Variants in CNBD1 observed in about 807,000 individuals in gnomAD.
CNBD1 encodes cyclic nucleotide binding domain containing 1.
Under a neutral mutation model 54.4 loss-of-function variants are expected in CNBD1, and 71 were observed. That is an observed-to-expected ratio of 1.30 (90% CI 1.08 to 1.59). The LOEUF is 1.59. CNBD1 is among the 40% of genes most tolerant of loss of function. CNBD1 has a pLI of 0.00. For missense variants in CNBD1, 659 were observed against 518.0 expected (o/e 1.27, Z -2.64); for synonymous variants, 182 against 170.7 (o/e 1.07, Z -0.51).
intron 2 of CNBD1, among the ~76,000 whole-genome samples, chr8:87,416,740 G>C (rs550609725): frequency 6.6e-6 from 1 of 151,910 alleles, no homozygotes; most frequent in South Asian, 2.1e-4. Context: ...ACTCCTGAAG[G>C]CTGTGGATAA....
At chr8:87,018,771 T>C (rs1400712225) in intron 4 of CNBD1, among the ~76,000 whole-genome samples, 2 of 152,174 alleles carry the variant, frequency 1.3e-5, no homozygotes, top group Non-Finnish European at 2.9e-5. Flanking sequence ...CGCCTCCCTC[T>C]AGGCCCAGGG....
downstream of CNBD1, among the ~76,000 whole-genome samples, chr8:87,384,149 G>A (rs535449987): frequency 6.6e-6 from 1 of 152,120 alleles, no homozygotes; most frequent in East Asian, 1.9e-4. Flanking sequence ...GACAAGAAAA[G>A]TTTTAATTAT....
intron 7 of CNBD1, 105 bp from the exon 8 acceptor site, chr8:87,286,434 A>C: frequency 3.4e-5 from 21 of 625,174 alleles, no homozygotes; most frequent in Non-Finnish European, 5.8e-5. Context: ...ACTAACTTAT[A>C]TTCATATGGC....
chr8:87,144,865 G>A (rs1320684008), intron 4 of CNBD1, among the ~76,000 whole-genome samples: 1 of 150,562 alleles, frequency 6.6e-6, no homozygotes, highest in Non-Finnish European at 1.5e-5. Flanking sequence ...GATAGATAAA[G>A]TTTAGTAGAG....
At chr8:87,090,227 G>A (rs554165436) in intron 4 of CNBD1, among the ~76,000 whole-genome samples, 1 of 152,116 alleles carries the variant, frequency 6.6e-6, no homozygotes, top group East Asian at 1.9e-4. Context: ...GACAATACAC[G>A]TTTTATAAAG....
At chr8:87,414,132 A>G (rs1191034637) in intron 2 of CNBD1, among the ~76,000 whole-genome samples, 1 of 152,038 alleles carries the variant, frequency 6.6e-6, no homozygotes, top group East Asian at 1.9e-4. Context: ...CAAATGTCCA[A>G]CAATGATAGA....
At chr8:87,184,549 GC>G (rs1006336561) in intron 4 of CNBD1, among the ~76,000 whole-genome samples, 2 of 152,074 alleles carry the variant, frequency 1.3e-5, no homozygotes, top group African/African-American at 4.8e-5. Flanking sequence ...AGTTTTCCCT[GC>G]CAACTCTAAT....
intron 4 of CNBD1, among the ~76,000 whole-genome samples, chr8:87,200,098 C>T (rs1358766315): frequency 1.3e-5 from 2 of 152,090 alleles, no homozygotes; most frequent in Admixed American, 1.3e-4. Flanking sequence ...TGAATACAGC[C>T]TCAGAGACCT....
intron 6 of CNBD1, among the ~76,000 whole-genome samples, chr8:87,279,894 A>G (rs939327736): frequency 1.3e-5 from 2 of 151,198 alleles, no homozygotes; most frequent in South Asian, 2.1e-4. Context: ...TTAAAGAGAA[A>G]TTTATTGGCT....
intron 6 of CNBD1, among the ~76,000 whole-genome samples, chr8:87,249,762 T>C (rs1807876444): frequency 6.6e-6 from 1 of 152,128 alleles, no homozygotes; most frequent in South Asian, 2.1e-4. Flanking sequence ...TGATGCAAAA[T>C]TCTCAGGAGT....
chr8:86,908,623 T>A (rs1009330486), intron 3 of CNBD1, among the ~76,000 whole-genome samples: 1 of 152,068 alleles, frequency 6.6e-6, no homozygotes, highest in Non-Finnish European at 1.5e-5. Flanking sequence ...TGTCAAGAAA[T>A]TGACCTTTTT....
At chr8:87,368,846 C>A (rs144154655) in intron 10 of CNBD1, among the ~76,000 whole-genome samples, 1 of 151,900 alleles carries the variant, frequency 6.6e-6, no homozygotes, top group African/African-American at 2.4e-5. Context: ...ACATTCTGTG[C>A]AAATCTGCCA....
intron 4 of CNBD1, among the ~76,000 whole-genome samples, chr8:87,129,682 A>G (rs1236144888): frequency 6.6e-6 from 1 of 152,120 alleles, no homozygotes; most frequent in Admixed American, 6.5e-5. Context: ...ATTTAAAGAT[A>G]TCTATTTCTT....
Position 87,375,972 on chromosome 8 carries a change from A to G in CNBD1, c.1304-6648A>G, listed in dbSNP as rs1412309004. On this transcript the variant is annotated intron_variant, in intron 10 of 10. Transcript: ENST00000518476. ...AAGAATTGTACTTTCTGCGATAAAAATTTAATGGGCTAATATTTAATTATG... is the reference window on the plus strand; with the variant it reads ...AAGAATTGTACTTTCTGCGATAAAAGTTTAATGGGCTAATATTTAATTATG... 3.9e-5 allele frequency among the ~76,000 whole-genome samples: 6 copies of G among 151,932 alleles called. No individual in the cohort carries two copies. The Admixed American group carries it at 3.9e-4, about 10-fold the overall frequency.
At chr8:87,388,361 A>G (rs1006518954) in intron 2 of CNBD1, among the ~76,000 whole-genome samples, 5 of 102,162 alleles carry the variant, frequency 4.9e-5, no homozygotes, top group Admixed American at 2.5e-4. Context: ...CGCTAGAAAG[A>G]CTAATGAAGA....
chr8:87,153,690 TG>T (rs1812653309), intron 4 of CNBD1, among the ~76,000 whole-genome samples: 2 of 152,156 alleles, frequency 1.3e-5, no homozygotes, highest in African/African-American at 4.8e-5. Context: ...TCAACTATAA[TG>T]GGGTCAGACA....
intron 8 of CNBD1, among the ~76,000 whole-genome samples, chr8:87,296,029 G>A (rs1808869943): frequency 6.6e-6 from 1 of 151,930 alleles, no homozygotes; most frequent in Admixed American, 6.6e-5. Context: ...TTGCTGCTTG[G>A]TGCTATTGAT....
chr8:87,320,452 CATT>C (rs1563550684), intron 8 of CNBD1, among the ~76,000 whole-genome samples: 1 of 152,046 alleles, frequency 6.6e-6, no homozygotes, highest in Non-Finnish European at 1.5e-5. Context: ...TCTGCAAACA[CATT>C]ATATGTGATG....
Position 86,963,833 on chromosome 8 carries a change from C to T in CNBD1, c.431+24079C>T, listed in dbSNP as rs115310678. Among the ~76,000 whole-genome samples the T allele has an allele frequency of 4.3e-3, 651 of 152,254 alleles. 6 individuals carry two copies. The highest frequency in any genetic ancestry group is 0.014 in the African/African-American group (591 of 41,554). Reference sequence around the variant, plus strand: ...TGACAGTCTGAACCACCAGAGTCAACGAAAGGAACCCTGGGACCAGTCAGT... The same window carrying T: ...TGACAGTCTGAACCACCAGAGTCAATGAAAGGAACCCTGGGACCAGTCAGT... On this transcript the variant is annotated intron_variant, in intron 4 of 10. Transcript: ENST00000518476.
Sources: gnomAD v4.1 joint callset for allele counts (sites outside exome capture counted in the v4.1 genomes callset) on GRCh38, gnomAD v4.1.1 for gene constraint, MANE v1.5 for transcripts, NCBI Gene and HGNC (gene_info 2026-07-23, HGNC 2026-07-21) for gene names.